ZBTB5: variants seen among roughly 807,000 people sequenced by gnomAD.
ZBTB5 encodes the protein zinc finger and BTB domain containing 5.
A neutral mutation model predicts 37.9 loss-of-function variants in ZBTB5; 15 were observed. The ratio of observed to expected loss-of-function variants is 0.40; its 90% confidence interval spans 0.26 to 0.61. The LOEUF is 0.61. ZBTB5 is among the 20% of genes least tolerant of loss of function. The pLI, the probability that ZBTB5 is intolerant of heterozygous loss-of-function variation, is 0.47. For synonymous variants in ZBTB5, 315 were observed against 312.4 expected, an observed-to-expected ratio of 1.01 and a Z score of -0.09; for missense variants, 708 against 856.8, an observed-to-expected ratio of 0.83 and a Z score of 2.17.
intron 1 of ZBTB5, among the ~76,000 whole-genome samples, chr9:37,447,807 CTTTT>C (rs78707930): frequency 2.2e-5 from 3 of 139,140 alleles, no homozygotes; most frequent in Non-Finnish European, 1.6e-5. Context: ...CTCAATGCTT[CTTTT>C]TTTTTTTTTT....
intron 1 of ZBTB5, among the ~76,000 whole-genome samples, chr9:37,448,670 G>C (rs1431881507): frequency 1.3e-5 from 2 of 152,220 alleles, no homozygotes; most frequent in Non-Finnish European, 2.9e-5. Flanking sequence ...TAAGGAAGTA[G>C]AGTAGATTTT....
In ZBTB5 at chr9:37,441,842, G is replaced by A. The variant is rs145637338; in HGVS notation, c.710C>T (p.Ser237Phe). 3 of 1,614,012 alleles carry A rather than the reference G, an allele frequency of 1.9e-6. No individual in the cohort carries two copies. Among genetic ancestry groups the A allele is most frequent in the African/African-American group, 1.3e-5 (1 of 74,922 alleles). The change falls in exon 2 of 2, where the codon TCT becomes TTT. Residue 237 changes from serine (S) to phenylalanine (F), a missense_variant. By Grantham distance (155) the Ser-to-Phe change is radical. Transcript: ENST00000307750. ...TTTAGGATTATCCACAATTTTCAGA[G>A]AATCTGGTGAAAAGAACTCCTCCCG... ...HSREEFFSPD[S>F]LKIVDNPKAD...
intron 1 of ZBTB5, among the ~76,000 whole-genome samples, chr9:37,453,725 C>T (rs745508213): frequency 1.3e-4 from 20 of 152,188 alleles, no homozygotes; most frequent in Non-Finnish European, 1.9e-4. Context: ...TTGGTACCCA[C>T]TCTCCTTGAT....
At chr9:37,446,062 G>C (rs750652004) in intron 1 of ZBTB5, among the ~76,000 whole-genome samples, 1 of 152,098 alleles carries the variant, frequency 6.6e-6, no homozygotes, top group African/African-American at 2.4e-5. Context: ...AGCAAAGATC[G>C]CTGCACTGCA....
At chr9:37,443,354 A>C in intron 1 of ZBTB5, among the ~76,000 whole-genome samples, 1 of 151,972 alleles carries the variant, frequency 6.6e-6, no homozygotes, top group East Asian at 1.9e-4. Flanking sequence ...AAAACACTAA[A>C]GTTTTTGTTT....
chr9:37,457,082 G>A (rs1824202831), intron 1 of ZBTB5, among the ~76,000 whole-genome samples: 1 of 152,192 alleles, frequency 6.6e-6, no homozygotes, highest in African/African-American at 2.4e-5. Context: ...ATGAAGTTAA[G>A]CTGATAGCTG....
At chr9:37,442,581 G>A (rs1341744023) in intron 1 of ZBTB5, 26 bp from the exon 2 acceptor site, 24 of 1,547,558 alleles carry the variant, frequency 1.6e-5, no homozygotes, top group Non-Finnish European at 2.1e-5. Flanking sequence ...GAAAGAAAAT[G>A]TTAAGACCTA....
chr9:37,464,629 C>G (rs1824355521), intron 1 of ZBTB5, among the ~76,000 whole-genome samples: 1 of 152,232 alleles, frequency 6.6e-6, no homozygotes, highest in South Asian at 2.1e-4. Context: ...CAGTGTCTTA[C>G]CACCGCATCC....
intron 1 of ZBTB5, among the ~76,000 whole-genome samples, chr9:37,445,901 GACC>G (rs1480622312): frequency 6.6e-6 from 1 of 152,016 alleles, no homozygotes; most frequent in African/African-American, 2.4e-5. Flanking sequence ...AGGAGTTCGA[GACC>G]ACCTTAGGCA....
At chr9:37,452,748 G>A (rs991672399) in intron 1 of ZBTB5, among the ~76,000 whole-genome samples, 21 of 152,286 alleles carry the variant, frequency 1.4e-4, no homozygotes, top group African/African-American at 4.6e-4. Context: ...CAAAGGTGCT[G>A]GTCTTTCATA....
At chr9:37,454,544 A>G (rs1824154381) in intron 1 of ZBTB5, among the ~76,000 whole-genome samples, 1 of 152,240 alleles carries the variant, frequency 6.6e-6, no homozygotes, top group Non-Finnish European at 1.5e-5. Context: ...GAATTTCAAA[A>G]CTAAATATAA....
At chr9:37,455,313 T>G (rs2118952399) in intron 1 of ZBTB5, among the ~76,000 whole-genome samples, 1 of 152,222 alleles carries the variant, frequency 6.6e-6, no homozygotes, top group East Asian at 1.9e-4. Flanking sequence ...GAAGATCATC[T>G]TCCCACTCCA....
rs1213257137 is a variant in ZBTB5 at position 37,456,814 on chromosome 9, TATGG to T, written c.-5+8397_-5+8400del. 6.6e-5 allele frequency among the ~76,000 whole-genome samples: 10 copies of T among 152,212 alleles called. No homozygotes were observed. In the South Asian group the frequency reaches 1.9e-3, roughly 28 times the overall value. ...ATTTGCTGAATAAACTTTTGCTATA[TATGG>T]ATGAAGTATAATGTATTACCCAAAA... On this transcript the variant is annotated intron_variant, in intron 1 of 1. Transcript: ENST00000307750.
In ZBTB5 at chr9:37,439,711, C is replaced by CT. The variant is rs1248888219; in HGVS notation, c.*806dup. The stretch of plus-strand genomic sequence containing the variant: ...CAGCAGAACAAAGACAAACACAAGT[C>CT]TTTTCTGACTTCCTAACATGGAACT... On this transcript the variant is annotated 3_prime_UTR_variant, in exon 2 of 2. Transcript: ENST00000307750. 1 of 152,200 alleles carries CT rather than the reference C, an allele frequency of 6.6e-6. No individual in the cohort carries two copies. Among genetic ancestry groups the CT allele is most frequent in the African/African-American group, 2.4e-5 (1 of 41,442 alleles). 9.4% of individuals were successfully genotyped at this position (152,200 alleles called of 1,614,324 possible). A position where few individuals can be genotyped will look rare whatever the true frequency, so the allele number is the denominator to read the frequency against.
At chr9:37,447,336 T>C (rs1227658115) in intron 1 of ZBTB5, among the ~76,000 whole-genome samples, 2 of 152,122 alleles carry the variant, frequency 1.3e-5, no homozygotes, top group Non-Finnish European at 2.9e-5. Flanking sequence ...CTTCCCTTCA[T>C]GTGGGGATTC....
intron 1 of ZBTB5, among the ~76,000 whole-genome samples, chr9:37,444,347 C>A (rs370232046): frequency 1.3e-5 from 2 of 151,970 alleles, no homozygotes; most frequent in African/African-American, 4.8e-5. Context: ...TATAGGTGCA[C>A]GCCACCACAC....
chr9:37,443,086 A>T (rs1002189805), intron 1 of ZBTB5, among the ~76,000 whole-genome samples: 23 of 152,318 alleles, frequency 1.5e-4, no homozygotes, highest in African/African-American at 4.8e-4. Flanking sequence ...ATGGAGGCTC[A>T]TGCCTGTAAT....
chr9:37,450,090 C>T (rs1824074672), intron 1 of ZBTB5, among the ~76,000 whole-genome samples: 1 of 152,180 alleles, frequency 6.6e-6, no homozygotes, highest in Non-Finnish European at 1.5e-5. Context: ...GACACCACCT[C>T]CTCAAGCCTG....
At position 37,438,571 on chromosome 9, in the gene ZBTB5, C is replaced by A. The variant is rs1251480600; in HGVS notation, c.*1947G>T. ...GTAAGCGGGCAGGCTCCTGGCACCA[C>A]CTCCTCCAAATGGAAGGGAAGGAGG... is the stretch of plus-strand genomic sequence containing the variant. On this transcript the variant is annotated 3_prime_UTR_variant, in exon 2 of 2. Coordinates refer to ENST00000307750, the MANE Select transcript of ZBTB5 (RefSeq NM_014872.3). The A allele has an allele frequency of 6.6e-6, 1 of 152,248 alleles. No homozygotes were observed. Among genetic ancestry groups the A allele is most frequent in the Non-Finnish European group, 1.5e-5 (1 of 68,064 alleles). The allele number at this position is 152,248 out of a possible 1,614,324, so 9.4% of individuals were successfully genotyped here. A position where few individuals can be genotyped will look rare whatever the true frequency, so the allele number is the denominator to read the frequency against.
Sources: gnomAD v4.1 joint callset for allele counts (sites outside exome capture counted in the v4.1 genomes callset) on GRCh38, gnomAD v4.1.1 for gene constraint, MANE v1.5 for transcripts, NCBI Gene and HGNC (gene_info 2026-07-23, HGNC 2026-07-21) for gene names.